The following ESRRG variants were observed in gnomAD, a reference collection of about 807,000 sequenced individuals.
ESRRG encodes the protein estrogen-related receptor gamma.
A neutral mutation model predicts 44.0 loss-of-function variants in ESRRG; 13 were observed. The ratio of observed to expected loss-of-function variants is 0.30; its 90% CI spans 0.19 to 0.47. The LOEUF (loss-of-function observed/expected upper bound fraction) is 0.47. Among genes scored for constraint, ESRRG ranks in the 20% least tolerant of loss-of-function variants. ESRRG has a pLI of 1.00. For synonymous variants in ESRRG, 215 were observed against 214.6 expected (o/e 1.00, Z -0.02); for missense variants, 395 against 580.6 (o/e 0.68, Z 3.29).
At chr1:216,943,090 G>A (rs189112447) in intron 1 of ESRRG, among the ~76,000 whole-genome samples, 59 of 152,242 alleles carry the variant, frequency 3.9e-4, no homozygotes, top group South Asian at 1.7e-3. Flanking sequence ...ATCAAGTGCA[G>A]TTGCCTGGAT....
At chr1:216,927,935 T>C (rs1332064449) in intron 2 of ESRRG, among the ~76,000 whole-genome samples, 1 of 152,218 alleles carries the variant, frequency 6.6e-6, no homozygotes, top group Non-Finnish European at 1.5e-5. Context: ...TTTAATCCAG[T>C]TCCAATCTTT....
At chr1:216,811,323 T>A (rs928344994) in intron 2 of ESRRG, among the ~76,000 whole-genome samples, 1 of 152,280 alleles carries the variant, frequency 6.6e-6, no homozygotes, top group South Asian at 2.1e-4. Context: ...ACATTTGTAA[T>A]GGGCTACAGC....
intron 1 of ESRRG, among the ~76,000 whole-genome samples, chr1:217,026,441 T>C: frequency 6.6e-6 from 1 of 152,164 alleles, no homozygotes; most frequent in East Asian, 1.9e-4. Flanking sequence ...ATAGGTAAAA[T>C]GTATGTGCAC....
intron 1 of ESRRG, chr1:216,707,408 C>T: frequency 2.0e-6 from 3 of 1,535,844 alleles, no homozygotes; most frequent in Non-Finnish European, 2.6e-6. Flanking sequence ...GCTCCAAGAC[C>T]CCAATCACAT....
At chr1:216,680,053 G>A (rs944116822) in intron 1 of ESRRG, among the ~76,000 whole-genome samples, 1 of 152,196 alleles carries the variant, frequency 6.6e-6, no homozygotes, top group African/African-American at 2.4e-5. Flanking sequence ...CCTAAACAAG[G>A]TCTGGCCACT....
At chr1:217,117,752 C>A (rs1042898314) in intron 1 of ESRRG, among the ~76,000 whole-genome samples, 1 of 152,020 alleles carries the variant, frequency 6.6e-6, no homozygotes, top group Non-Finnish European at 1.5e-5. Flanking sequence ...TTTCTCTTTA[C>A]CAAACTGAGG....
At chr1:217,011,498 G>A (rs188822180) in intron 1 of ESRRG, among the ~76,000 whole-genome samples, 2 of 152,212 alleles carry the variant, frequency 1.3e-5, no homozygotes, top group South Asian at 2.1e-4. Flanking sequence ...ATACTATCCC[G>A]CTTCCTCTAC....
At chr1:216,878,852 G>A (rs2149291518) in intron 2 of ESRRG, among the ~76,000 whole-genome samples, 2 of 152,252 alleles carry the variant, frequency 1.3e-5, no homozygotes, top group Middle Eastern at 3.4e-3. Context: ...TGGATAAATG[G>A]CTAGGAGATC....
chr1:217,135,262 G>A (rs983470552), intron 1 of ESRRG, among the ~76,000 whole-genome samples: 5 of 150,474 alleles, frequency 3.3e-5, no homozygotes, highest in African/African-American at 9.8e-5. Context: ...GCTCCGCCCA[G>A]CCCCGTACAG....
At chr1:216,566,239 G>A (rs530791800) in intron 4 of ESRRG, among the ~76,000 whole-genome samples, 86 of 152,258 alleles carry the variant, frequency 5.6e-4, no homozygotes, top group African/African-American at 2.0e-3. Context: ...CACTTTCTCA[G>A]CAAAGCTCAG....
At chr1:216,908,645 T>C (rs1360571041) in intron 2 of ESRRG, among the ~76,000 whole-genome samples, 1 of 152,076 alleles carries the variant, frequency 6.6e-6, no homozygotes, top group Non-Finnish European at 1.5e-5. Context: ...CCTCAAATCA[T>C]CTTGGAGTAA....
intron 1 of ESRRG, among the ~76,000 whole-genome samples, chr1:217,098,405 A>G (rs2092457161): frequency 6.6e-6 from 1 of 152,208 alleles, no homozygotes; most frequent in Non-Finnish European, 1.5e-5. Flanking sequence ...CATTATTATT[A>G]TGCCCAATTT....
intron 2 of ESRRG, among the ~76,000 whole-genome samples, chr1:216,861,036 T>C (rs1559899782): frequency 2.0e-5 from 3 of 152,128 alleles, no homozygotes; most frequent in African/African-American, 7.2e-5. Flanking sequence ...CAGTTGAATG[T>C]AGTCTGTGAT....
chr1:217,064,406 A>G (rs576215616), intron 1 of ESRRG, among the ~76,000 whole-genome samples: 291 of 152,278 alleles, frequency 1.9e-3, no homozygotes, highest in African/African-American at 6.4e-3. Context: ...AACCACAGAA[A>G]CTGAGGCTGA....
intron 5 of ESRRG, among the ~76,000 whole-genome samples, chr1:216,551,311 A>T: frequency 6.6e-6 from 1 of 152,174 alleles, no homozygotes; most frequent in East Asian, 1.9e-4. Flanking sequence ...TATATTGCAC[A>T]TGGTATTTTT....
At chr1:217,125,395 T>G (rs1173828273) in intron 1 of ESRRG, among the ~76,000 whole-genome samples, 1 of 152,204 alleles carries the variant, frequency 6.6e-6, no homozygotes, top group Non-Finnish European at 1.5e-5. Context: ...AAACATCCTA[T>G]AGTGAAGAAA....
At chr1:216,956,018 T>A (rs1167799464) in intron 1 of ESRRG, among the ~76,000 whole-genome samples, 4 of 152,182 alleles carry the variant, frequency 2.6e-5, no homozygotes, top group African/African-American at 4.8e-5. Flanking sequence ...TTTGACTTCA[T>A]AAATTGTTTC....
At chr1:217,104,333 A>G (rs1223926337) in intron 1 of ESRRG, among the ~76,000 whole-genome samples, 1 of 152,188 alleles carries the variant, frequency 6.6e-6, no homozygotes, top group African/African-American at 2.4e-5. Flanking sequence ...AACATAGATG[A>G]AATGGGAAAG....
intron 2 of ESRRG, among the ~76,000 whole-genome samples, chr1:216,881,299 G>C (rs895894299): frequency 4.6e-5 from 7 of 152,114 alleles, no homozygotes; most frequent in Non-Finnish European, 1.0e-4. Context: ...TGCAAAGATT[G>C]GTAGCTTGTC....
Sources: gnomAD v4.1 joint callset for allele counts (sites outside exome capture counted in the v4.1 genomes callset) on GRCh38, gnomAD v4.1.1 for gene constraint, MANE v1.5 for transcripts, NCBI Gene and HGNC (gene_info 2026-07-23, HGNC 2026-07-21) for gene names.